KCTD20: variants seen among roughly 807,000 people sequenced by gnomAD.
KCTD20 encodes the protein BTB/POZ domain-containing protein KCTD20.
KCTD20 carries 30 observed loss-of-function variants against 39.6 expected under a neutral mutation model. The observed-to-expected ratio is 0.76, with a 90% confidence interval of 0.57 to 1.03. KCTD20 has a LOEUF of 1.03. KCTD20 is among the 50% of genes least tolerant of loss of function. The pLI is 0.00. For synonymous variants in KCTD20, 162 were observed against 180.6 expected (o/e 0.90, Z 0.83); for missense variants, 422 against 522.0 (o/e 0.81, Z 1.87).
intron 1 of KCTD20, among the ~76,000 whole-genome samples, chr6:36,445,923 CTAA>C (rs1260574119): frequency 2.0e-5 from 3 of 150,600 alleles, no homozygotes; most frequent in Non-Finnish European, 4.4e-5. Flanking sequence ...AGTGGGAGTA[CTAA>C]TAATAAGGAA....
chr6:36,483,712 C>A (rs1442427774), intron 6 of KCTD20, among the ~76,000 whole-genome samples: 1 of 151,682 alleles, frequency 6.6e-6, no homozygotes, highest in East Asian at 1.9e-4. Flanking sequence ...GAAATGGGTT[C>A]TATGTTGCCT....
chr6:36,474,681 A>T (rs761005817), intron 2 of KCTD20, 108 bp from the exon 3 acceptor site: 8 of 1,072,418 alleles, frequency 7.5e-6, no homozygotes, highest in Non-Finnish European at 1.0e-5. Context: ...GAACATCTAA[A>T]ATTTGGGGGT....
In KCTD20 at chr6:36,458,541, CAAAA is replaced by C. The variant is rs1174858102; in HGVS notation, c.-46-11495_-46-11492del. Reference sequence around the variant, plus strand: ...GGGCAACAAGAGCAAAACTCCATCTCAAAAAAAAAAAAAAAAAAAGAAAAGAAAG... The same window carrying C: ...GGGCAACAAGAGCAAAACTCCATCTCAAAAAAAAAAAAAAAGAAAAGAAAG... On this transcript the variant is annotated intron_variant, in intron 1 of 7. Coordinates refer to ENST00000373731, the MANE Select transcript of KCTD20 (RefSeq NM_173562.5). Among the ~76,000 whole-genome samples, 63 of 66,876 alleles carry C rather than the reference CAAAA, an allele frequency of 9.4e-4. No individual in the cohort carries two copies. The East Asian group carries it at 0.023, about 24-fold the overall frequency. The allele number at this position is 66,876 out of a possible 152,430, so 43.9% of individuals were successfully genotyped here. A position where few individuals can be genotyped will look rare whatever the true frequency, so the allele number is the denominator to read the frequency against.
At chr6:36,475,822 T>C (rs1191492761) in intron 3 of KCTD20, among the ~76,000 whole-genome samples, 1 of 152,188 alleles carries the variant, frequency 6.6e-6, no homozygotes, top group African/African-American at 2.4e-5. Context: ...TGAAAAGCAT[T>C]TCCCTGCCAT....
intron 3 of KCTD20, among the ~76,000 whole-genome samples, chr6:36,476,827 C>T (rs989025428): frequency 3.9e-5 from 6 of 152,254 alleles, no homozygotes; most frequent in African/African-American, 1.4e-4. Context: ...TCCAGACTGG[C>T]CCTCTATTTT....
At chr6:36,467,978 A>G (rs531913917) in intron 1 of KCTD20, among the ~76,000 whole-genome samples, 1 of 152,308 alleles carries the variant, frequency 6.6e-6, no homozygotes, top group East Asian at 1.9e-4. Flanking sequence ...AATAATAAAC[A>G]TGCATTTTAA....
chr6:36,485,488 CTTTTTTTTT>C lies in KCTD20; in HGVS notation c.967+680_967+688del, dbSNP rs34990483. The stretch of plus-strand genomic sequence containing the variant: ...TTGGTCTCTCCTACGTGGAGTGGAT[CTTTTTTTTT>C]TTTTTTTTTTTTTTTGAGATGGAGT... On this transcript the variant is annotated intron_variant, in intron 7 of 7. Transcript: ENST00000373731. Among the ~76,000 whole-genome samples the C allele has an allele frequency of 2.0e-4, 19 of 97,120 alleles. No individual in the cohort carries two copies. The East Asian group carries it at 5.3e-3, about 27-fold the overall frequency. The allele number at this position is 97,120 out of a possible 152,430, so 63.7% of individuals were successfully genotyped here. A position where few individuals can be genotyped will look rare whatever the true frequency, so the allele number is the denominator to read the frequency against.
intron 1 of KCTD20, among the ~76,000 whole-genome samples, chr6:36,444,445 TG>T (rs1380902579): frequency 6.6e-6 from 1 of 152,208 alleles, no homozygotes; most frequent in African/African-American, 2.4e-5. Context: ...ATTGCTCTGA[TG>T]GTTTAGAGAT....
intron 3 of KCTD20, among the ~76,000 whole-genome samples, chr6:36,476,306 T>G (rs561252174): frequency 1.3e-5 from 2 of 152,308 alleles, no homozygotes; most frequent in East Asian, 3.9e-4. Context: ...ACTCAGGACT[T>G]TGAATTAATT....
intron 1 of KCTD20, among the ~76,000 whole-genome samples, chr6:36,446,485 T>G (rs867086914): frequency 2.9e-4 from 44 of 152,186 alleles, no homozygotes; most frequent in African/African-American, 1.0e-3. Context: ...GGTACCTCTG[T>G]GATAGAATTT....
At chr6:36,461,069 G>A (rs1399700394) in intron 1 of KCTD20, among the ~76,000 whole-genome samples, 2 of 152,092 alleles carry the variant, frequency 1.3e-5, no homozygotes, top group Non-Finnish European at 2.9e-5. Flanking sequence ...AATCAATTAA[G>A]TTTAAGTCCA....
intron 7 of KCTD20, among the ~76,000 whole-genome samples, 190 bp downstream of exon 7, chr6:36,485,014 A>C (rs1345421236): frequency 6.6e-6 from 1 of 152,124 alleles, no homozygotes; most frequent in Admixed American, 6.5e-5. Flanking sequence ...AAATGGTTCA[A>C]AGCAGCCACA....
intron 2 of KCTD20, among the ~76,000 whole-genome samples, chr6:36,473,172 T>G (rs991971416): frequency 6.6e-6 from 1 of 151,948 alleles, no homozygotes; most frequent in Non-Finnish European, 1.5e-5. Context: ...ACCATTCACC[T>G]GCCTCAGCCT....
At chr6:36,484,392 T>C (rs1384100449) in intron 6 of KCTD20, among the ~76,000 whole-genome samples, 1 of 152,222 alleles carries the variant, frequency 6.6e-6, no homozygotes, top group African/African-American at 2.4e-5. Flanking sequence ...AATTAACCTT[T>C]TATGAGTTGC....
chr6:36,469,504 T>C lies in KCTD20; in HGVS notation c.-46-548T>C, dbSNP rs1775850864. Among the ~76,000 whole-genome samples, 1 of 142,758 alleles carries C rather than the reference T, an allele frequency of 7.0e-6. No individual in the cohort carries two copies. The highest frequency in any genetic ancestry group is 2.2e-4 in the South Asian group (1 of 4,530). The allele number at this position is 142,758 out of a possible 152,430, so 93.7% of individuals were successfully genotyped here. On this transcript the variant is annotated intron_variant, in intron 1 of 7. Transcript: ENST00000373731. This position sits in a 1 kb window ranked among gnomAD's most constrained non-coding sequence, Gnocchi z 4.6. The stretch of plus-strand genomic sequence containing the variant: ...GGGTTTCGGGATTGAGCATAAGGTA[T>C]ACAAAGTGAAAGAGAGAAAAGGGGA...
At chr6:36,478,777 T>G (rs528242038) in intron 3 of KCTD20, among the ~76,000 whole-genome samples, 1 of 152,270 alleles carries the variant, frequency 6.6e-6, no homozygotes, top group Non-Finnish European at 1.5e-5. Flanking sequence ...GGGGAGGGCA[T>G]GAAAGGCCAC....
chr6:36,450,095 C>T (rs539759308), intron 1 of KCTD20, among the ~76,000 whole-genome samples: 29 of 140,928 alleles, frequency 2.1e-4, no homozygotes, highest in African/African-American at 7.1e-4. Flanking sequence ...ACCCAGGAGG[C>T]GGAGCTTGCA....
rs1387245372 is a variant in KCTD20 at position 36,474,661 on chromosome 6, T to C, written c.161-128T>C. ...TACTTGCTGTAGGCAAGAGGTTTTT[T>C]TTTGCCTGTGAACATCTAAAATTTG... On this transcript the variant is annotated intron_variant, in intron 2 of 7. Coordinates refer to ENST00000373731, the MANE Select transcript of KCTD20 (RefSeq NM_173562.5). 1.7e-5 allele frequency: 13 copies of C among 785,536 alleles called. No individual in the cohort carries two copies. In the African/African-American group the frequency reaches 2.3e-4, roughly 14 times the overall value. The allele number at this position is 785,536 out of a possible 1,614,324, so 48.7% of individuals were successfully genotyped here. A position where few individuals can be genotyped will look rare whatever the true frequency, so the allele number is the denominator to read the frequency against.
At chr6:36,461,993 A>G (rs6936942) in intron 1 of KCTD20, among the ~76,000 whole-genome samples, 39,021 of 152,110 alleles carry the variant, frequency 0.26, 5,470 homozygotes, top group East Asian at 0.39. Flanking sequence ...TGAGGAGCAG[A>G]AATAGTCCTG....
Sources: gnomAD v4.1 joint callset for allele counts (sites outside exome capture counted in the v4.1 genomes callset) on GRCh38, gnomAD v4.1.1 for gene constraint, Gnocchi (gnomAD v3.1) non-coding constraint, MANE v1.5 for transcripts, NCBI Gene and HGNC (gene_info 2026-07-23, HGNC 2026-07-21) for gene names.